Variants in OMG observed in about 807,000 individuals in gnomAD.
OMG encodes oligodendrocyte myelin glycoprotein.
Under a neutral mutation model 26.2 loss-of-function variants are expected in OMG, and 9 were observed. The observed-to-expected ratio is 0.34, with a 90% CI of 0.21 to 0.60. The LOEUF (loss-of-function observed/expected upper bound fraction) is 0.60, where lower values mean the gene tolerates loss of function less well. Among genes scored for constraint, OMG ranks in the 20% least tolerant of loss-of-function variants. The probability of loss-of-function intolerance (pLI) is 0.80; values close to 1 mark genes in which losing one functional copy is unlikely to be tolerated. For missense variants in OMG, 402 were observed against 513.6 expected, an observed-to-expected ratio of 0.78 and a Z score of 2.10; for synonymous variants, 179 against 190.4, an observed-to-expected ratio of 0.94 and a Z score of 0.49.
rs753955364 is a variant in OMG, at chr17:31,295,164, AATT to A, written c.1165_1167del (p.Asn389del). Reference sequence around the variant, plus strand: ...GTGCTTTGTTGAGGCATTTCAGAGAAATTATTTGGCATGCCACTAGTGATACTT... The same window carrying A: ...GTGCTTTGTTGAGGCATTTCAGAGAAATTTGGCATGCCACTAGTGATACTT... On this transcript the variant is annotated inframe_deletion, in exon 2 of 2. Transcript: ENST00000247271. 6.2e-7 allele frequency: 1 copy of A among 1,614,112 alleles called. No individual in the cohort carries two copies. Among genetic ancestry groups the A allele is most frequent in the South Asian group, 1.1e-5 (1 of 91,082 alleles).
At position 31,295,244 on chromosome 17, in the gene OMG, G is replaced by A. The variant is rs1488716436; in HGVS notation, c.1088C>T (p.Thr363Ile). The A allele has an allele frequency of 6.2e-7, 1 of 1,613,980 alleles. No individual in the cohort carries two copies. The highest frequency in any genetic ancestry group is 2.2e-5 in the East Asian group (1 of 44,892). The change falls in exon 2 of 2, where the codon ACA becomes ATA. Residue 363 changes from threonine to isoleucine, a missense_variant. By Grantham distance (89) the Thr-to-Ile change is moderately conservative. Around this residue, in one of 3 missense-constraint regions of OMG, gnomAD observed 247 missense variants for 274.7 expected, o/e 0.90. Coordinates refer to ENST00000247271, the MANE Select transcript of OMG (RefSeq NM_002544.5). The stretch of plus-strand genomic sequence containing the variant: ...TGTTGAGCTAGTGAGGCTTGTGTTT[G>A]TGACCATTCCATCTTGGAGATGAAT... Reference protein sequence around the residue: ...LTIHLQDGMVTNTSLTSSTKS... With the variant: ...LTIHLQDGMVINTSLTSSTKS...
chr17:31,296,422 T>A (rs2068466211), intron 1 of OMG, 85 bp from the exon 2 acceptor site: 1 of 1,305,458 alleles, frequency 7.7e-7, no homozygotes, highest in Non-Finnish European at 1.1e-6. Context: ...AGGCAAAATT[T>A]TCAATAAACC....
rs949350384 is a variant in OMG, at chr17:31,295,795, C to T, written c.537G>A (p.Leu179=). The T allele has an allele frequency of 6.2e-7, 1 of 1,614,094 alleles. No individual in the cohort carries two copies. Among genetic ancestry groups the T allele is most frequent in the South Asian group, 1.1e-5 (1 of 91,074 alleles). ...TTAATGTACCTGGAAGAATTTGTGT[C>T]AAAGAATTATTAGACAGGTCCACGA... The part of the protein sequence containing the change: ...LHIVDLSNNS[L]TQILPGTLIN... The change falls in exon 2 of 2, where the codon TTG becomes TTA. Residue 179 remains leucine (L), a synonymous_variant. Coordinates refer to ENST00000247271, the MANE Select transcript of OMG (RefSeq NM_002544.5).
Position 31,295,687 on chromosome 17 carries a change from A to C in OMG, c.645T>G (p.Phe215Leu), listed in dbSNP as rs1295356111. ...TGTAAAGGGTTATCTCTTGCAACTG[A>C]AAGAGTTGGTCAAAAGATTGGTCTG... ...FIPDQSFDQL[F>L]QLQEITLYNN... Residue 215 changes from phenylalanine to leucine, a missense_variant, in exon 2 of 2, where the codon TTT becomes TTG. Around this residue, in one of 3 missense-constraint regions of OMG, gnomAD observed 247 missense variants for 274.7 expected, o/e 0.90. Coordinates refer to ENST00000247271, the MANE Select transcript of OMG (RefSeq NM_002544.5). 1 of 1,614,126 alleles carries C rather than the reference A, an allele frequency of 6.2e-7. No homozygotes were observed. Among genetic ancestry groups the C allele is most frequent in the South Asian group, 1.1e-5 (1 of 91,084 alleles).
At position 31,294,960 on chromosome 17, in the gene OMG, C is replaced by G. The variant is rs771528005; in HGVS notation, c.*49G>C. The G allele has an allele frequency of 1.2e-6, 2 of 1,612,652 alleles. No homozygotes were observed. ...GTTAGATATGGACATATTTTCCCAACTGTACATCAGGGAGGAGTGCTTTCA... is the reference window on the plus strand; with the variant it reads ...GTTAGATATGGACATATTTTCCCAAGTGTACATCAGGGAGGAGTGCTTTCA... On this transcript the variant is annotated 3_prime_UTR_variant, in exon 2 of 2. Transcript: ENST00000247271.
chr17:31,295,512 T>G lies in OMG; in HGVS notation c.820A>C (p.Thr274Pro). 1 of 1,614,188 alleles carries G rather than the reference T, an allele frequency of 6.2e-7. No homozygotes were observed. Among genetic ancestry groups the G allele is most frequent in the African/African-American group, 1.3e-5 (1 of 75,058 alleles). The change falls in exon 2 of 2, where the codon ACC (threonine) becomes CCC (proline). Residue 274 changes from threonine (T) to proline (P), a missense_variant. Physicochemically the swap from Thr to Pro is conservative, Grantham distance 38. Transcript: ENST00000247271. ...CCACTTACAGTGAATAAGCTTGAGG[T>G]AAATCCAGAAGGTGTGGGATACATG... ...HNMYPTPSGFTSSLFTVSGMQ... is the reference protein window; with the variant it reads ...HNMYPTPSGFPSSLFTVSGMQ...
intron 1 of OMG, 160 bp from the exon 2 acceptor site, chr17:31,296,497 A>G: frequency 1.4e-6 from 1 of 693,630 alleles, no homozygotes; most frequent in Non-Finnish European, 2.6e-6. Context: ...CCCTTCATTT[A>G]TAGTCCAAAT....
intron 1 of OMG, 167 bp downstream of exon 1, chr17:31,296,989 A>G (rs1006823712): frequency 6.6e-6 from 1 of 152,434 alleles, no homozygotes; most frequent in Non-Finnish European, 1.5e-5. Context: ...GTATATTTAC[A>G]GAGTGACTGA....
chr17:31,294,760 T>C lies in OMG; in HGVS notation c.*249A>G. ...TGCAATAAATTGAAGCCTTAAAACATTTCATTTTTTTTATAAAAGAAACTC... is the reference window on the plus strand; with the variant it reads ...TGCAATAAATTGAAGCCTTAAAACACTTCATTTTTTTTATAAAAGAAACTC... On this transcript the variant is annotated 3_prime_UTR_variant, in exon 2 of 2. Coordinates refer to ENST00000247271, the MANE Select transcript of OMG (RefSeq NM_002544.5). 1.9e-6 allele frequency: 1 copy of C among 539,114 alleles called. No homozygotes were observed. The highest frequency in any genetic ancestry group is 3.3e-6 in the Non-Finnish European group (1 of 302,626). 33.4% of individuals were successfully genotyped at this position (539,114 alleles called of 1,614,324 possible). A position where few individuals can be genotyped will look rare whatever the true frequency, so the allele number is the denominator to read the frequency against.
Position 31,295,943 on chromosome 17 carries a change from A to G in OMG, c.389T>C (p.Val130Ala). ...AACCTTTTCCAGCATGTTCTTAGAAACATCCAGATATTTAAGATTCCACTG... is the reference window on the plus strand; with the variant it reads ...AACCTTTTCCAGCATGTTCTTAGAAGCATCCAGATATTTAAGATTCCACTG... ...AYQWNLKYLDVSKNMLEKVVL... is the reference protein window; with the variant it reads ...AYQWNLKYLDASKNMLEKVVL... The change falls in exon 2 of 2, where the codon GTT becomes GCT. Residue 130 changes from valine to alanine, a missense_variant. Val to Ala is a moderately conservative substitution (Grantham distance 64). Transcript: ENST00000247271. 6.2e-7 allele frequency: 1 copy of G among 1,614,100 alleles called. No individual in the cohort carries two copies. Among genetic ancestry groups the G allele is most frequent in the Non-Finnish European group, 8.5e-7 (1 of 1,179,988 alleles).
In OMG at chr17:31,294,946, A is replaced by G. The variant is rs1245511412; in HGVS notation, c.*63T>C. 1 of 1,606,394 alleles carries G rather than the reference A, an allele frequency of 6.2e-7. No homozygotes were observed. The highest frequency in any genetic ancestry group is 8.5e-7 in the Non-Finnish European group (1 of 1,173,492). On this transcript the variant is annotated 3_prime_UTR_variant, in exon 2 of 2. Coordinates refer to ENST00000247271, the MANE Select transcript of OMG (RefSeq NM_002544.5). ...AGCTCGAATCACTGGTTAGATATGGACATATTTTCCCAACTGTACATCAGG... is the reference window on the plus strand; with the variant it reads ...AGCTCGAATCACTGGTTAGATATGGGCATATTTTCCCAACTGTACATCAGG...
In OMG at chr17:31,295,910, A is replaced by G. The variant is rs1382254151; in HGVS notation, c.422T>C (p.Ile141Thr). 2 of 1,614,038 alleles carry G rather than the reference A, an allele frequency of 1.2e-6. No individual in the cohort carries two copies. The highest frequency in any genetic ancestry group is 8.5e-7 in the Non-Finnish European group (1 of 1,180,016). The change falls in exon 2 of 2, where the codon ATT becomes ACT. Residue 141 changes from isoleucine (I) to threonine (T), a missense_variant. Physicochemically the swap from Ile to Thr is moderately conservative, Grantham distance 89 (BLOSUM62 -1). Around this residue, in one of 3 missense-constraint regions of OMG, gnomAD observed 90 missense variants for 158.9 expected, o/e 0.57. Coordinates refer to ENST00000247271, the MANE Select transcript of OMG (RefSeq NM_002544.5). ...CTCGAGACTTCTTAGTGTATTTTTAATGAGGACAACCTTTTCCAGCATGTT... is the reference window on the plus strand; with the variant it reads ...CTCGAGACTTCTTAGTGTATTTTTAGTGAGGACAACCTTTTCCAGCATGTT... The part of the protein sequence containing the change: ...SKNMLEKVVL[I>T]KNTLRSLEVL...
chr17:31,294,909 AT>A lies in OMG; in HGVS notation c.*99del. ...GAAATGTTAAGACTGGCTTTCTTGA[AT>A]ACTTAAATATAGCTCGAATCACTGG... On this transcript the variant is annotated 3_prime_UTR_variant, in exon 2 of 2. Coordinates refer to ENST00000247271, the MANE Select transcript of OMG (RefSeq NM_002544.5). 1 of 1,496,984 alleles carries A rather than the reference AT, an allele frequency of 6.7e-7. No homozygotes were observed. Among genetic ancestry groups the A allele is most frequent in the South Asian group, 1.1e-5 (1 of 87,852 alleles). 92.7% of individuals were successfully genotyped at this position (1,496,984 alleles called of 1,614,324 possible).
chr17:31,296,503 C>T lies in OMG; in HGVS notation c.-6-166G>A. On this transcript the variant is annotated intron_variant, in intron 1 of 1. Coordinates refer to ENST00000247271, the MANE Select transcript of OMG (RefSeq NM_002544.5). Reference sequence around the variant, plus strand: ...ACAAAGCTCCCCTTCATTTATAGTCCAAATGCTTAATCCTTCAATTGGGCT... The same window carrying T: ...ACAAAGCTCCCCTTCATTTATAGTCTAAATGCTTAATCCTTCAATTGGGCT... The T allele has an allele frequency of 4.9e-5, 33 of 675,304 alleles. No individual in the cohort carries two copies. In the South Asian group the frequency reaches 5.3e-4, roughly 11 times the overall value. The allele number at this position is 675,304 out of a possible 1,614,324, so 41.8% of individuals were successfully genotyped here.
At position 31,295,099 on chromosome 17, in the gene OMG, T is replaced by C. The variant is rs1199643348; in HGVS notation, c.1233A>G (p.Val411=). The C allele has an allele frequency of 1.2e-5, 19 of 1,614,058 alleles. No individual in the cohort carries two copies. Among genetic ancestry groups the C allele is most frequent in the African/African-American group, 5.3e-5 (4 of 74,946 alleles). ...NLWREETTTN[V]KTPLPSVANA... ...TTGCCACAGAAGGTAATGGAGTCTT[T>C]ACATTTGTGGTTGTCTCTTCCCTCC... The change falls in exon 2 of 2, where the codon GTA becomes GTG. Residue 411 remains valine (V), a synonymous_variant. Transcript: ENST00000247271.
chr17:31,295,612 C>T lies in OMG; in HGVS notation c.720G>A (p.Lys240=), dbSNP rs768530968. ...DHKQNITYLL[K]WMMETKAHVI... is the part of the protein sequence containing the mutation. Reference sequence around the variant, plus strand: ...CATGGGCTTTTGTTTCCATCATCCACTTCAGTAAGTAAGTAATGTTTTGTT... The same window carrying T: ...CATGGGCTTTTGTTTCCATCATCCATTTCAGTAAGTAAGTAATGTTTTGTT... The change falls in exon 2 of 2, where the codon AAG becomes AAA. Residue 240 remains lysine, a synonymous_variant. Coordinates refer to ENST00000247271, the MANE Select transcript of OMG (RefSeq NM_002544.5). The T allele has an allele frequency of 4.3e-6, 7 of 1,613,994 alleles. No homozygotes were observed. Among genetic ancestry groups the T allele is most frequent in the Admixed American group, 3.3e-5 (2 of 59,992 alleles).
chr17:31,296,448 C>G lies in OMG; in HGVS notation c.-6-111G>C, dbSNP rs2068467226. ...TCAATAAACCTCGTTGTTGTCGAGT[C>G]CTTTTATAATTGTTCCAGTGATTAA... On this transcript the variant is annotated intron_variant, in intron 1 of 1. Coordinates refer to ENST00000247271, the MANE Select transcript of OMG (RefSeq NM_002544.5). 6.1e-6 allele frequency: 6 copies of G among 985,514 alleles called. No homozygotes were observed. The East Asian group carries it at 1.4e-4, about 24-fold the overall frequency. The allele number at this position is 985,514 out of a possible 1,614,324, so 61.0% of individuals were successfully genotyped here.
Position 31,295,244 on chromosome 17 carries a change from G to C in OMG, c.1088C>G (p.Thr363Arg). 6.2e-7 allele frequency: 1 copy of C among 1,614,098 alleles called. No homozygotes were observed. The highest frequency in any genetic ancestry group is 1.1e-5 in the South Asian group (1 of 91,072). The stretch of plus-strand genomic sequence containing the variant: ...TGTTGAGCTAGTGAGGCTTGTGTTT[G>C]TGACCATTCCATCTTGGAGATGAAT... ...LTIHLQDGMV[T>R]NTSLTSSTKS... The change falls in exon 2 of 2, where the codon ACA becomes AGA. Residue 363 changes from threonine to arginine, a missense_variant. This residue lies in a region of OMG where 247 missense variants were observed against 274.7 expected (regional missense o/e 0.90). Transcript: ENST00000247271.
chr17:31,295,860 G>T lies in OMG; in HGVS notation c.472C>A (p.Leu158Ile). ...GGCATGTTGGTTGGAACTGTCCAAAGTTTGTTACTACTGAGGTTGAGAACC... is the reference window on the plus strand; with the variant it reads ...GGCATGTTGGTTGGAACTGTCCAAATTTTGTTACTACTGAGGTTGAGAACC... Reference protein sequence around the residue: ...LEVLNLSSNKLWTVPTNMPSK... With the variant: ...LEVLNLSSNKIWTVPTNMPSK... The change falls in exon 2 of 2, where the codon CTT becomes ATT. Residue 158 changes from leucine to isoleucine, a missense_variant. Physicochemically the swap from Leu to Ile is conservative, Grantham distance 5. This residue lies in a region of OMG where 90 missense variants were observed against 158.9 expected (regional missense o/e 0.57). Transcript: ENST00000247271. 6.2e-7 allele frequency: 1 copy of T among 1,614,196 alleles called. No individual in the cohort carries two copies. Among genetic ancestry groups the T allele is most frequent in the Non-Finnish European group, 8.5e-7 (1 of 1,180,020 alleles).
Sources: allele counts gnomAD v4.1 joint callset, GRCh38; gene constraint gnomAD v4.1.1; regional missense constraint gnomAD v4.1.1; transcripts MANE v1.5; gene names NCBI Gene and HGNC (gene_info 2026-07-23, HGNC 2026-07-21).